The following RANBP17 variants were observed in gnomAD, a reference collection of about 807,000 sequenced individuals.
The protein encoded by RANBP17 is ran-binding protein 17.
A neutral mutation model predicts 141.2 loss-of-function variants in RANBP17; 158 were observed. The observed-to-expected ratio is 1.12, with a 90% confidence interval of 0.98 to 1.28. The LOEUF (loss-of-function observed/expected upper bound fraction) is 1.28, where lower values mean the gene tolerates loss of function less well. RANBP17 is among the 50% of genes most tolerant of loss of function. The pLI is 0.00. For synonymous variants in RANBP17, 430 were observed against 450.0 expected (o/e 0.96, Z 0.56); for missense variants, 1,438 against 1,290.7 (o/e 1.11, Z -1.75).
At chr5:170,989,804 A>T (rs1210567523) in intron 14 of RANBP17, among the ~76,000 whole-genome samples, 1 of 151,738 alleles carries the variant, frequency 6.6e-6, no homozygotes, top group African/African-American at 2.4e-5. Flanking sequence ...AGGCTTACTG[A>T]AAAATATATA....
At chr5:171,152,761 C>T (rs1758584453) in intron 14 of RANBP17, among the ~76,000 whole-genome samples, 1 of 152,204 alleles carries the variant, frequency 6.6e-6, no homozygotes, top group South Asian at 2.1e-4. Flanking sequence ...AATGGCAATG[C>T]TCGCACTCAT....
chr5:171,040,090 C>G (rs1439381246), intron 14 of RANBP17, among the ~76,000 whole-genome samples: 2 of 152,066 alleles, frequency 1.3e-5, no homozygotes, highest in Non-Finnish European at 2.9e-5. Context: ...AGGCCAGTAT[C>G]TCTGATGAAC....
At chr5:171,282,888 G>T (rs751511877) in intron 25 of RANBP17, among the ~76,000 whole-genome samples, 15 of 152,210 alleles carry the variant, frequency 9.9e-5, no homozygotes, top group South Asian at 6.2e-4. Context: ...CTGCCAGAAA[G>T]ATTTATTCAG....
At chr5:171,003,018 A>C (rs969746188) in intron 14 of RANBP17, among the ~76,000 whole-genome samples, 5 of 152,142 alleles carry the variant, frequency 3.3e-5, no homozygotes, top group African/African-American at 1.2e-4. Context: ...AGATTTTGGA[A>C]GTTATGAGAA....
At chr5:170,978,207 A>G (rs1488041410) in intron 14 of RANBP17, among the ~76,000 whole-genome samples, 1 of 152,106 alleles carries the variant, frequency 6.6e-6, no homozygotes, top group East Asian at 1.9e-4. Context: ...AAACTGATCA[A>G]ACCTTGATGA....
intron 24 of RANBP17, 67 bp from the exon 25 acceptor site, chr5:171,265,614 C>A: frequency 7.6e-7 from 1 of 1,315,284 alleles, no homozygotes; most frequent in Non-Finnish European, 1.0e-6. Context: ...TTAATGGAGC[C>A]GTTAGAAAAT....
chr5:171,119,805 C>G (rs891591751), intron 14 of RANBP17, among the ~76,000 whole-genome samples: 3 of 151,862 alleles, frequency 2.0e-5, no homozygotes, highest in African/African-American at 7.3e-5. Flanking sequence ...TGTGGGAGGC[C>G]AAGACAGGAG....
At chr5:171,196,554 C>CA (rs1761991042) in intron 18 of RANBP17, among the ~76,000 whole-genome samples, 1 of 152,184 alleles carries the variant, frequency 6.6e-6, no homozygotes, top group South Asian at 2.1e-4. Context: ...TCACCGTAAT[C>CA]ACCTCTCTAA....
chr5:171,003,197 A>C (rs1779349662), intron 14 of RANBP17, among the ~76,000 whole-genome samples: 1 of 152,154 alleles, frequency 6.6e-6, no homozygotes, highest in African/African-American at 2.4e-5. Flanking sequence ...AGAATTCCAA[A>C]TGCACAGCCC....
At chr5:171,252,882 A>G in intron 24 of RANBP17, 1 of 1,401,444 alleles carries the variant, frequency 7.1e-7, no homozygotes, top group Non-Finnish European at 1.0e-6. Flanking sequence ...ACGACATTGT[A>G]GAAAAAATAG....
chr5:170,868,524 G>C (rs941845265), intron 1 of RANBP17, among the ~76,000 whole-genome samples: 1 of 152,080 alleles, frequency 6.6e-6, no homozygotes, highest in Non-Finnish European at 1.5e-5. Flanking sequence ...CACCCACCTT[G>C]GCCCCTCAAA....
chr5:170,940,617 G>C (rs746814133), intron 12 of RANBP17, among the ~76,000 whole-genome samples: 5 of 152,104 alleles, frequency 3.3e-5, no homozygotes, highest in African/African-American at 1.2e-4. Flanking sequence ...ATTGATAGTC[G>C]TGCAGGGAGA....
intron 14 of RANBP17, among the ~76,000 whole-genome samples, chr5:171,162,856 G>A (rs1200049944): frequency 6.6e-6 from 1 of 152,108 alleles, no homozygotes; most frequent in Non-Finnish European, 1.5e-5. Context: ...GATGTGGAGC[G>A]AAGGAAATGT....
intron 5 of RANBP17, among the ~76,000 whole-genome samples, chr5:170,898,951 C>T (rs1561868238): frequency 2.0e-5 from 3 of 152,134 alleles, no homozygotes; most frequent in Non-Finnish European, 2.9e-5. Flanking sequence ...AGTCAGGTAG[C>T]ATGATGCCTC....
In RANBP17 at chr5:170,919,524, A is replaced by G. The variant is rs200406661; in HGVS notation, c.1185A>G (p.Ser395=). ...TAGCATCTGTTCCTTTTGTGAAATC[A>G]ACTGAACCCCACCTATTAGACACTT... ...RMVASVPFVK[S]TEPHLLDTYA... is the part of the protein sequence containing the mutation. Residue 395 remains serine, a synonymous_variant, in exon 11 of 28, where the codon TCA becomes TCG. Transcript: ENST00000523189. The G allele has an allele frequency of 4.3e-6, 7 of 1,612,276 alleles. No individual in the cohort carries two copies. Among genetic ancestry groups the G allele is most frequent in the African/African-American group, 4.0e-5 (3 of 74,834 alleles).
chr5:171,173,966 C>G (rs1386303635), intron 16 of RANBP17, among the ~76,000 whole-genome samples: 1 of 152,166 alleles, frequency 6.6e-6, no homozygotes, highest in Non-Finnish European at 1.5e-5. Flanking sequence ...ACTAGACTTA[C>G]AGTTTTAGAG....
intron 24 of RANBP17, among the ~76,000 whole-genome samples, chr5:171,261,574 T>C (rs1009588906): frequency 4.6e-5 from 7 of 152,186 alleles, no homozygotes; most frequent in Non-Finnish European, 1.0e-4. Flanking sequence ...TAGTGAGCAG[T>C]AGGCTATTAA....
At chr5:170,950,866 T>G (rs1460492426) in intron 12 of RANBP17, among the ~76,000 whole-genome samples, 2 of 152,102 alleles carry the variant, frequency 1.3e-5, no homozygotes, top group African/African-American at 4.8e-5. Flanking sequence ...TAATGTGGTA[T>G]ATATACATAG....
intron 16 of RANBP17, among the ~76,000 whole-genome samples, chr5:171,174,793 T>C (rs1302237405): frequency 1.3e-5 from 2 of 150,200 alleles, no homozygotes; most frequent in African/African-American, 4.9e-5. Flanking sequence ...TGTGTGTGTG[T>C]ATTTTGAGGT....
Sources: gnomAD v4.1 joint callset for allele counts (sites outside exome capture counted in the v4.1 genomes callset) on GRCh38, gnomAD v4.1.1 for gene constraint, MANE v1.5 for transcripts, NCBI Gene and HGNC (gene_info 2026-07-23, HGNC 2026-07-21) for gene names.